PRIM2: variants seen among roughly 807,000 people sequenced by gnomAD.
PRIM2 encodes DNA primase large subunit.
PRIM2 carries 39 observed loss-of-function variants against 67.3 expected under a neutral mutation model. That is an observed-to-expected ratio of 0.58 (90% CI 0.45 to 0.76). The LOEUF is 0.76. PRIM2 is among the 30% of genes least tolerant of loss of function. The pLI is 0.00. For synonymous variants in PRIM2, 143 were observed against 198.7 expected, an observed-to-expected ratio of 0.72 and a Z score of 2.36; for missense variants, 398 against 598.7, an observed-to-expected ratio of 0.66 and a Z score of 3.50.
chr6:57,249,612 C>T, the PRIM2 span, among the ~76,000 whole-genome samples: 12 of 152,004 alleles, frequency 7.9e-5, no homozygotes, highest in South Asian at 2.1e-4. Flanking sequence ...CGTGGTGGTG[C>T]GTGCCTGTAA....
chr6:57,512,743 A>G (rs1419455582), intron 8 of PRIM2, among the ~76,000 whole-genome samples: 1 of 152,076 alleles, frequency 6.6e-6, no homozygotes, highest in African/African-American at 2.4e-5. Flanking sequence ...GACTACAGGC[A>G]TGTGCCACCA....
intron 7 of PRIM2, among the ~76,000 whole-genome samples, chr6:57,490,902 C>T (rs1379055608): frequency 3.3e-5 from 5 of 152,072 alleles, no homozygotes; most frequent in African/African-American, 4.8e-5. Context: ...GCATCTGGCC[C>T]GGCAGAGACA....
At chr6:57,460,800 A>C (rs1474257235) in intron 7 of PRIM2, among the ~76,000 whole-genome samples, 4 of 152,186 alleles carry the variant, frequency 2.6e-5, no homozygotes, top group African/African-American at 9.7e-5. Flanking sequence ...CTGCTAACCA[A>C]GTTTTATTGG....
intron 13 of PRIM2, among the ~76,000 whole-genome samples, chr6:57,640,796 G>A (rs1240121459): frequency 5.3e-5 from 8 of 151,980 alleles, no homozygotes; most frequent in Admixed American, 6.6e-5. Flanking sequence ...GAAAATGGCC[G>A]TAATGCGCAA....
chr6:57,395,428 G>A (rs1770488215), intron 7 of PRIM2, among the ~76,000 whole-genome samples: 1 of 152,054 alleles, frequency 6.6e-6, no homozygotes, highest in South Asian at 2.1e-4. Context: ...ATCTCTTCTA[G>A]GTTTTCTAGT....
the PRIM2 span, among the ~76,000 whole-genome samples, chr6:57,277,582 C>CG: frequency 6.6e-6 from 1 of 151,320 alleles, no homozygotes; most frequent in Non-Finnish European, 1.5e-5. Context: ...CAGCAGAAGC[C>CG]GGGGGGTGGT....
intron 7 of PRIM2, among the ~76,000 whole-genome samples, chr6:57,499,881 T>C (rs1774094152): frequency 6.6e-6 from 1 of 152,246 alleles, no homozygotes; most frequent in African/African-American, 2.4e-5. Flanking sequence ...AGCCAGTTCA[T>C]GGCTTTATCT....
chr6:57,367,767 C>T (rs754070622), intron 5 of PRIM2, among the ~76,000 whole-genome samples: 7 of 152,292 alleles, frequency 4.6e-5, no homozygotes, highest in East Asian at 1.9e-4. Flanking sequence ...ATCCCTCAAA[C>T]GAGGTGGTTG....
intron 8 of PRIM2, among the ~76,000 whole-genome samples, chr6:57,508,007 G>A (rs1319289791): frequency 1.1e-4 from 16 of 152,148 alleles, no homozygotes; most frequent in Admixed American, 5.2e-4. Context: ...TGCGATCTCC[G>A]CTCACTGCAA....
At chr6:57,285,570 C>G in the PRIM2 span, among the ~76,000 whole-genome samples, 1 of 152,184 alleles carries the variant, frequency 6.6e-6, no homozygotes, top group African/African-American at 2.4e-5. Flanking sequence ...TAAAATTCAA[C>G]AACGCTTTTT....
chr6:57,310,162 A>T (rs1037208508), upstream of PRIM2, among the ~76,000 whole-genome samples: 2 of 152,234 alleles, frequency 1.3e-5, no homozygotes, highest in Non-Finnish European at 2.9e-5. Context: ...TCAAAAGAAG[A>T]CATTTATGCA....
intron 13 of PRIM2, among the ~76,000 whole-genome samples, chr6:57,637,999 A>C (rs1777155007): frequency 6.6e-6 from 1 of 152,198 alleles, no homozygotes; most frequent in Admixed American, 6.5e-5. Context: ...GCAGCCAGAG[A>C]GAAAGGTCAG....
chr6:57,353,495 T>C (rs9370585), intron 5 of PRIM2, among the ~76,000 whole-genome samples: 1 of 152,214 alleles, frequency 6.6e-6, no homozygotes, highest in Non-Finnish European at 1.5e-5. Context: ...TTATTCCTGT[T>C]TAAAATAACC....
At chr6:57,302,931 C>A in the PRIM2 span, among the ~76,000 whole-genome samples, 1 of 152,102 alleles carries the variant, frequency 6.6e-6, no homozygotes. Context: ...TTCCTATTAA[C>A]CTATTTTAGG....
intron 10 of PRIM2, among the ~76,000 whole-genome samples, chr6:57,576,326 T>C (rs1775964733): frequency 6.6e-6 from 1 of 151,870 alleles, no homozygotes; most frequent in African/African-American, 2.4e-5. Flanking sequence ...TTGTCTTATC[T>C]TTTTCTATTA....
At chr6:57,314,165 GTT>G (rs1767436747), upstream of PRIM2, among the ~76,000 whole-genome samples, 2 of 152,234 alleles carry the variant, frequency 1.3e-5, no homozygotes, top group Admixed American at 1.3e-4. Flanking sequence ...CAAACCATCT[GTT>G]TAATGGGAAG....
the PRIM2 span, among the ~76,000 whole-genome samples, chr6:57,267,232 T>C: frequency 6.6e-6 from 1 of 152,192 alleles, no homozygotes; most frequent in African/African-American, 2.4e-5. Flanking sequence ...TTTGCTTGGA[T>C]ATTAGTTTTA....
the PRIM2 span, among the ~76,000 whole-genome samples, chr6:57,254,960 A>G: frequency 6.6e-6 from 1 of 152,190 alleles, no homozygotes; most frequent in African/African-American, 2.4e-5. Flanking sequence ...AAACTTTGTA[A>G]CTTTGAGTTG....
intron 5 of PRIM2, among the ~76,000 whole-genome samples, chr6:57,333,925 T>G (rs533620260): frequency 6.6e-6 from 1 of 152,340 alleles, no homozygotes; most frequent in South Asian, 2.1e-4. Context: ...ATACTTAATA[T>G]CCACTCACTT....
Sources: allele counts gnomAD v4.1 joint callset (sites outside exome capture counted in the v4.1 genomes callset), GRCh38; gene constraint gnomAD v4.1.1; transcripts MANE v1.5; gene names NCBI Gene and HGNC (gene_info 2026-07-23, HGNC 2026-07-21).